The following ZNF536 variants were observed in gnomAD, a reference collection of about 807,000 sequenced individuals.
The protein encoded by ZNF536 is zinc finger protein 536.
Under a neutral mutation model 84.5 loss-of-function variants are expected in ZNF536, and 13 were observed. That is an observed-to-expected ratio of 0.15 (90% confidence interval 0.10 to 0.24). The LOEUF is 0.24. ZNF536 is among the 10% of genes least tolerant of loss of function. The probability of loss-of-function intolerance (pLI) is 1.00; values close to 1 mark genes in which losing one functional copy is unlikely to be tolerated. For missense variants in ZNF536, 1,536 were observed against 1,747.5 expected (o/e 0.88, Z 2.16); for synonymous variants, 811 against 742.5 (o/e 1.09, Z -1.50).
chr19:30,706,871 T>C (rs1206978132), intron 1 of ZNF536, among the ~76,000 whole-genome samples: 1 of 152,156 alleles, frequency 6.6e-6, no homozygotes, highest in Admixed American at 6.5e-5. Flanking sequence ...GGTAGAAACA[T>C]AGAAAATACA....
chr19:30,283,931 T>C (rs910010443), intron 1 of ZNF536: 1 of 152,226 alleles, frequency 6.6e-6, no homozygotes, highest in African/African-American at 2.4e-5. Context: ...GCTCAAAGAA[T>C]TGGGGGCAGT....
chr19:30,613,103 G>A (rs1433509851), intron 1 of ZNF536, among the ~76,000 whole-genome samples: 2 of 152,212 alleles, frequency 1.3e-5, no homozygotes, highest in Non-Finnish European at 2.9e-5. Context: ...TGGGACTGAT[G>A]TCACGTCCTC....
At chr19:30,589,594 A>G (rs1568580503) in intron 1 of ZNF536, among the ~76,000 whole-genome samples, 1 of 152,170 alleles carries the variant, frequency 6.6e-6, no homozygotes, top group Non-Finnish European at 1.5e-5. Flanking sequence ...CAGGAAGCAC[A>G]GGTAGGGGAT....
intron 1 of ZNF536, among the ~76,000 whole-genome samples, chr19:30,667,215 G>A (rs1252489500): frequency 6.6e-6 from 1 of 152,186 alleles, no homozygotes. Context: ...GTCTCCATCT[G>A]AATTCATTTA....
At chr19:30,238,649 C>G (rs1449864611) in intron 1 of ZNF536, among the ~76,000 whole-genome samples, 5 of 152,114 alleles carry the variant, frequency 3.3e-5, no homozygotes, top group Non-Finnish European at 7.4e-5. Flanking sequence ...CTTCCTCCTT[C>G]CTTCCTATCT....
At position 30,477,945 on chromosome 19, in the gene ZNF536, A is replaced by G. The variant is rs373292410; in HGVS notation, c.2170+32213A>G. 3.3e-5 allele frequency among the ~76,000 whole-genome samples: 5 copies of G among 152,194 alleles called. No homozygotes were observed. In the East Asian group the frequency reaches 5.8e-4, roughly 18 times the overall value. ...GCTTTCTCTAGCACTGAAGAAAAATAGTCCTTTTTTCCTTTTTCTTTTTAG... is the reference window on the plus strand; with the variant it reads ...GCTTTCTCTAGCACTGAAGAAAAATGGTCCTTTTTTCCTTTTTCTTTTTAG... On this transcript the variant is annotated intron_variant, in intron 2 of 4. Transcript: ENST00000355537.
intron 1 of ZNF536, among the ~76,000 whole-genome samples, chr19:30,235,883 G>A (rs924183703): frequency 6.6e-6 from 1 of 152,256 alleles, no homozygotes; most frequent in Non-Finnish European, 1.5e-5. Context: ...GATGCCAAGT[G>A]GCTATTTCAG....
At chr19:30,243,342 A>G (rs2024065384) in intron 1 of ZNF536, among the ~76,000 whole-genome samples, 1 of 152,206 alleles carries the variant, frequency 6.6e-6, no homozygotes. Context: ...TAGTTAGAAC[A>G]ATATTGTTCC....
chr19:30,486,262 C>T (rs566657603), intron 2 of ZNF536, among the ~76,000 whole-genome samples: 9 of 152,268 alleles, frequency 5.9e-5, no homozygotes, highest in South Asian at 2.1e-4. Context: ...CCAACCTCCC[C>T]GCTGACAAGC....
intron 1 of ZNF536, among the ~76,000 whole-genome samples, chr19:30,394,987 C>T (rs1036531550): frequency 2.6e-5 from 4 of 152,130 alleles, no homozygotes; most frequent in South Asian, 2.1e-4. Flanking sequence ...CTTGTGAGCT[C>T]GGTTACTCCT....
intron 1 of ZNF536, among the ~76,000 whole-genome samples, chr19:30,666,035 G>GGGACCCTCGATACATCTCACCTA (rs2050304759): frequency 6.6e-6 from 1 of 152,212 alleles, no homozygotes; most frequent in South Asian, 2.1e-4. Flanking sequence ...GCTCTGAGGA[G>GGGACCCTCGATACATCTCACCTA]GGACCCTCGA....
chr19:30,396,561 C>T (rs913299265), intron 1 of ZNF536, among the ~76,000 whole-genome samples: 1 of 150,768 alleles, frequency 6.6e-6, no homozygotes, highest in Non-Finnish European at 1.5e-5. Flanking sequence ...ACAGATGTGT[C>T]CTGCCTCCAT....
At chr19:30,543,648 A>C (rs1188338615) in intron 3 of ZNF536, among the ~76,000 whole-genome samples, 1 of 152,136 alleles carries the variant, frequency 6.6e-6, no homozygotes, top group Admixed American at 6.5e-5. Flanking sequence ...GCTCAGGTAG[A>C]CTCAGCATCT....
chr19:30,555,452 T>C, intron 4 of ZNF536: 1 of 152,244 alleles, frequency 6.6e-6, no homozygotes, highest in East Asian at 1.9e-4. Context: ...GCATGGTTGA[T>C]AGCTCTTTCT....
intron 2 of ZNF536, among the ~76,000 whole-genome samples, chr19:30,299,692 T>C (rs567636447): frequency 6.6e-6 from 1 of 152,314 alleles, no homozygotes; most frequent in East Asian, 1.9e-4. Flanking sequence ...TTGGTAAAAA[T>C]AGAAGATCTA....
Position 30,282,290 on chromosome 19 carries a change from T to G in ZNF536, c.-189-1782T>G, listed in dbSNP as rs191300873. 4.6e-5 allele frequency among the ~76,000 whole-genome samples: 7 copies of G among 152,360 alleles called. No individual in the cohort carries two copies. The East Asian group carries it at 1.4e-3, about 29-fold the overall frequency. Reference sequence around the variant, plus strand: ...CCCACGCAGGTCAGACACCCTTGCATAAGCCCACTAATCTGTTGGAAGAGC... The same window carrying G: ...CCCACGCAGGTCAGACACCCTTGCAGAAGCCCACTAATCTGTTGGAAGAGC... On this transcript the variant is annotated intron_variant, in intron 1 of 5. Transcript: ENST00000585628.
intron 2 of ZNF536, among the ~76,000 whole-genome samples, chr19:30,501,446 A>T (rs541462728): frequency 4.0e-4 from 61 of 152,258 alleles, no homozygotes; most frequent in South Asian, 8.3e-4. Context: ...TTAAGTCCCT[A>T]TGTGTTGGGA....
chr19:30,356,892 G>T (rs183510097), intron 3 of ZNF536, among the ~76,000 whole-genome samples: 1 of 152,330 alleles, frequency 6.6e-6, no homozygotes, highest in East Asian at 1.9e-4. Flanking sequence ...CCAGGTCTGA[G>T]CATAGCTCTT....
upstream of ZNF536, among the ~76,000 whole-genome samples, chr19:30,369,796 AAGT>A (rs1217242877): frequency 4.5e-4 from 68 of 152,282 alleles, no homozygotes; most frequent in African/African-American, 1.6e-3. Context: ...AATCAGAATA[AAGT>A]GTTTCCACTT....
Sources: allele counts gnomAD v4.1 joint callset (sites outside exome capture counted in the v4.1 genomes callset), GRCh38; gene constraint gnomAD v4.1.1; transcripts MANE v1.5; gene names NCBI Gene and HGNC (gene_info 2026-07-23, HGNC 2026-07-21).